Variants in CP observed in about 807,000 individuals in gnomAD.
CP encodes the protein ceruloplasmin, also known as caeruloplasmin.
CP carries 64 observed loss-of-function variants against 122.4 expected under a neutral mutation model. The observed-to-expected ratio is 0.52, with a 90% confidence interval of 0.43 to 0.64. CP has a LOEUF of 0.64. Ranked by LOEUF, CP falls within the 30% of genes least tolerant of loss-of-function variation. The pLI is 0.00. For synonymous variants in CP, 440 were observed against 436.4 expected, an observed-to-expected ratio of 1.01 and a Z score of -0.10; for missense variants, 1,167 against 1,284.4, an observed-to-expected ratio of 0.91 and a Z score of 1.40.
chr3:149,213,668 G>A (rs891468328), intron 1 of CP, among the ~76,000 whole-genome samples: 1 of 133,368 alleles, frequency 7.5e-6, no homozygotes, highest in Non-Finnish European at 1.7e-5. Context: ...GTGTGTGTGT[G>A]TGTGTTGCCT....
At chr3:149,192,391 A>G (rs1020093835) in intron 9 of CP, among the ~76,000 whole-genome samples, 1 of 152,080 alleles carries the variant, frequency 6.6e-6, no homozygotes, top group Admixed American at 6.5e-5. Flanking sequence ...ACCAAACTGA[A>G]AATGTGTTAC....
chr3:149,206,107 T>C, intron 6 of CP, 61 bp downstream of exon 6: 1 of 1,512,384 alleles, frequency 6.6e-7, no homozygotes, highest in Non-Finnish European at 9.1e-7. Flanking sequence ...ATTAGCCTTT[T>C]GTAGTTCCTT....
At chr3:149,181,974 G>GGGGGGGGGGGGGGGGGC in intron 14 of CP, 31 bp downstream of exon 14, 1 of 1,356,690 alleles carries the variant, frequency 7.4e-7, no homozygotes, top group Non-Finnish European at 1.0e-6. Context: ...CTGTTAAAAT[G>GGGGGGGGGGGGGGGGGC]CACCACCCCC....
intron 14 of CP, 87 bp from the exon 15 acceptor site, chr3:149,179,749 C>CACAG: frequency 1.3e-6 from 1 of 790,640 alleles, no homozygotes; most frequent in East Asian, 2.7e-5. Flanking sequence ...CACACACACA[C>CACAG]AGCCTTGATA....
rs767213220 is a variant in CP at position 149,198,627 on chromosome 3, T to A, written c.1502-49A>T. 4 of 1,528,126 alleles carry A rather than the reference T, an allele frequency of 2.6e-6. No homozygotes were observed. The East Asian group carries it at 9.1e-5, about 35-fold the overall frequency. 94.7% of individuals were successfully genotyped at this position (1,528,126 alleles called of 1,614,324 possible). ...AGGTGAAGTGTGCTTTCTAACGTGG[T>A]CATTTGAGCCACAAAGTAGACTAAG... On this transcript the variant is annotated intron_variant, in intron 8 of 18. Coordinates refer to ENST00000264613, the MANE Select transcript of CP (RefSeq NM_000096.4).
intron 1 of CP, among the ~76,000 whole-genome samples, chr3:149,216,054 C>T (rs570241401): frequency 2.0e-4 from 31 of 152,288 alleles, no homozygotes; most frequent in Non-Finnish European, 3.4e-4. Flanking sequence ...TATGCTTAGA[C>T]GTGGTTCCCA....
At chr3:149,175,975 C>T (rs946980778) in intron 18 of CP, 4 of 394,074 alleles carry the variant, frequency 1.0e-5, no homozygotes, top group Admixed American at 8.3e-5. Flanking sequence ...AACATGACTA[C>T]TCCCTTATAT....
Position 149,198,424 on chromosome 3 carries a change from C to T in CP, c.1656G>A (p.Gly552=). 3 of 1,613,582 alleles carry T rather than the reference C, an allele frequency of 1.9e-6. No homozygotes were observed. Among genetic ancestry groups the T allele is most frequent in the Non-Finnish European group, 2.5e-6 (3 of 1,179,514 alleles). The change falls in exon 9 of 19, where the codon GGG becomes GGA. Residue 552 remains glycine (G), a synonymous_variant. Coordinates refer to ENST00000264613, the MANE Select transcript of CP (RefSeq NM_000096.4). ...AVEPTKDIFT[G]LIGPMKICKK... ...TGCATATTTTCATTGGCCCAATAAG[C>T]CCAGTGAATATATCTTTAGTGGGTT...
At chr3:149,210,990 T>G (rs1728065937) in intron 2 of CP, among the ~76,000 whole-genome samples, 1 of 152,176 alleles carries the variant, frequency 6.6e-6, no homozygotes, top group African/African-American at 2.4e-5. Flanking sequence ...ATAGGAACCC[T>G]TTTTTTCTTC....
chr3:149,197,910 C>T (rs1005571970), intron 9 of CP, among the ~76,000 whole-genome samples: 3 of 152,172 alleles, frequency 2.0e-5, no homozygotes, highest in Non-Finnish European at 4.4e-5. Flanking sequence ...ACAGGCTCAC[C>T]TCCTGCTGTG....
At chr3:149,178,090 G>T in intron 16 of CP, 111 bp from the exon 17 acceptor site, 1 of 1,029,360 alleles carries the variant, frequency 9.7e-7, no homozygotes, top group Non-Finnish European at 1.5e-6. Context: ...TGATGTAATA[G>T]GACTTATTTT....
intron 18 of CP, chr3:149,176,004 C>T (rs778801006): frequency 2.9e-4 from 144 of 504,112 alleles, no homozygotes; most frequent in Admixed American, 7.5e-4. Flanking sequence ...AGTATAATTA[C>T]ACATTTGTAT....
intron 18 of CP, among the ~76,000 whole-genome samples, chr3:149,174,424 A>G (rs571876224): frequency 5.2e-4 from 79 of 152,308 alleles, no homozygotes; most frequent in African/African-American, 1.7e-3. Context: ...GTGTGTGTAC[A>G]TATAGAGGGT....
At position 149,165,641 on chromosome 3, in the gene CP, C is replaced by T. The variant is rs190062347; in HGVS notation, c.*13+305G>A. Among the ~76,000 whole-genome samples the T allele has an allele frequency of 6.6e-3, 1,009 of 152,176 alleles. 12 individuals carry two copies. The highest frequency in any genetic ancestry group is 7.8e-3 in the Non-Finnish European group (530 of 68,010). The stretch of plus-strand genomic sequence containing the variant: ...ACAGGTGTGAGTCACTGCACCTGAC[C>T]TTACTTTCAAACTTCTTGATTACAT... On this transcript the variant is annotated intron_variant, in intron 5 of 5. Transcript: ENST00000479771.
Position 149,167,166 on chromosome 3 carries a change from A to G in CP, c.587-1116T>C. 2 of 1,613,442 alleles carry G rather than the reference A, an allele frequency of 1.2e-6. No individual in the cohort carries two copies. The highest frequency in any genetic ancestry group is 1.3e-5 in the African/African-American group (1 of 75,042). On this transcript the variant is annotated intron_variant, in intron 4 of 5. Coordinates refer to the CP transcript ENST00000479771. Reference sequence around the variant, plus strand: ...ACGCTTGAAAGAGTATGAACAGTGCATAGACATACTGTTAGAGAGATGCCC... The same window carrying G: ...ACGCTTGAAAGAGTATGAACAGTGCGTAGACATACTGTTAGAGAGATGCCC...
intron 8 of CP, among the ~76,000 whole-genome samples, chr3:149,199,042 C>G (rs1486700479): frequency 2.0e-5 from 3 of 152,136 alleles, no homozygotes; most frequent in Non-Finnish European, 4.4e-5. Context: ...TTAAATCTTT[C>G]AAATTTACAT....
At chr3:149,208,486 T>A (rs994065220) in intron 4 of CP, among the ~76,000 whole-genome samples, 3 of 152,208 alleles carry the variant, frequency 2.0e-5, no homozygotes, top group Admixed American at 1.3e-4. Flanking sequence ...TGTTAACTAG[T>A]TTATTTTTCT....
chr3:149,188,922 T>C (rs1726364348), intron 9 of CP, among the ~76,000 whole-genome samples: 1 of 152,034 alleles, frequency 6.6e-6, no homozygotes, highest in South Asian at 2.1e-4. Flanking sequence ...AGATACATGA[T>C]AAGGTGATTA....
chr3:149,168,343 A>G (rs997357607), downstream of CP: 4 of 221,490 alleles, frequency 1.8e-5, no homozygotes, highest in African/African-American at 7.0e-5. Context: ...GATCATTACT[A>G]TTAAACATAA....
Sources: allele counts gnomAD v4.1 joint callset (sites outside exome capture counted in the v4.1 genomes callset), GRCh38; gene constraint gnomAD v4.1.1; transcripts MANE v1.5; gene names NCBI Gene and HGNC (gene_info 2026-07-23, HGNC 2026-07-21).